Variants in MPHOSPH6 observed in about 807,000 individuals in gnomAD.
MPHOSPH6 encodes the protein M-phase phosphoprotein 6.
Under a neutral mutation model 21.8 loss-of-function variants are expected in MPHOSPH6, and 25 were observed. The ratio of observed to expected loss-of-function variants is 1.15; its 90% CI spans 0.83 to 1.60. MPHOSPH6 has a LOEUF of 1.60. Among genes scored for constraint, MPHOSPH6 ranks in the 40% most tolerant of loss-of-function variants. The pLI, the probability that MPHOSPH6 is intolerant of heterozygous loss-of-function variation, is 0.00. For synonymous variants in MPHOSPH6, 84 were observed against 56.5 expected, an observed-to-expected ratio of 1.49 and a Z score of -2.18; for missense variants, 269 against 181.8, an observed-to-expected ratio of 1.48 and a Z score of -2.76.
In MPHOSPH6 at chr16:82,148,819, T is replaced by C. The variant is rs539248477; in HGVS notation, c.395A>G (p.Lys132Arg). 5.0e-6 allele frequency: 8 copies of C among 1,614,186 alleles called. No homozygotes were observed. In the African/African-American group the frequency reaches 5.3e-5, roughly 11 times the overall value. Reference sequence around the variant, plus strand: ...TTCTTCATAATTGGCATGGTCTCTCTTTCTGGCAAACTTTTTCCCAATTGT... The same window carrying C: ...TTCTTCATAATTGGCATGGTCTCTCCTTCTGGCAAACTTTTTCCCAATTGT... ...VGTIGKKFAR[K>R]RDHANYEEDE... The change falls in exon 5 of 5, where the codon AAG becomes AGG. Residue 132 changes from lysine (K) to arginine (R), a missense_variant. By Grantham distance (26) the Lys-to-Arg change is conservative. Coordinates refer to ENST00000258169, the MANE Select transcript of MPHOSPH6 (RefSeq NM_005792.2).
At chr16:82,162,052 A>G (rs766373628) in intron 2 of MPHOSPH6, among the ~76,000 whole-genome samples, 1 of 152,256 alleles carries the variant, frequency 6.6e-6, no homozygotes, top group Non-Finnish European at 1.5e-5. Flanking sequence ...ATATTCAGAT[A>G]TAAGGAAATA....
intron 1 of MPHOSPH6, among the ~76,000 whole-genome samples, chr16:82,165,766 G>C (rs1001508474): frequency 1.3e-5 from 2 of 152,216 alleles, no homozygotes; most frequent in Admixed American, 6.5e-5. Context: ...TAGCCTAAGT[G>C]TGTGGTAGGC....
chr16:82,152,185 T>G (rs1169762767), intron 2 of MPHOSPH6, among the ~76,000 whole-genome samples: 2 of 152,240 alleles, frequency 1.3e-5, no homozygotes, highest in East Asian at 3.8e-4. Flanking sequence ...GTCTGAGCTG[T>G]GTGGTGCACT....
At chr16:82,165,126 T>A (rs1254032894) in intron 1 of MPHOSPH6, among the ~76,000 whole-genome samples, 3 of 97,548 alleles carry the variant, frequency 3.1e-5, no homozygotes, top group Admixed American at 1.0e-4. Flanking sequence ...TTTTTATTTT[T>A]TTTTTTATTT....
intron 4 of MPHOSPH6, among the ~76,000 whole-genome samples, chr16:82,149,077 G>C (rs927240575): frequency 6.6e-6 from 1 of 152,216 alleles, no homozygotes; most frequent in African/African-American, 2.4e-5. Flanking sequence ...AATAAATAGA[G>C]ATGTACATTT....
intron 3 of MPHOSPH6, 187 bp downstream of exon 3, chr16:82,151,237 C>T (rs748122703): frequency 5.6e-6 from 4 of 714,400 alleles, no homozygotes; most frequent in Non-Finnish European, 6.7e-6. Flanking sequence ...TATCTACTCA[C>T]CTCTACCATA....
intron 2 of MPHOSPH6, among the ~76,000 whole-genome samples, chr16:82,151,766 T>C (rs1490662291): frequency 6.6e-6 from 1 of 152,238 alleles, no homozygotes; most frequent in Non-Finnish European, 1.5e-5. Flanking sequence ...AATATCTACA[T>C]AATATAAAGA....
intron 2 of MPHOSPH6, among the ~76,000 whole-genome samples, chr16:82,152,597 G>C (rs1171524023): frequency 6.6e-6 from 1 of 152,108 alleles, no homozygotes; most frequent in Non-Finnish European, 1.5e-5. Context: ...CAGAAATAAC[G>C]GTCGCTAGGT....
chr16:82,163,587 G>A (rs1201040671), intron 2 of MPHOSPH6, among the ~76,000 whole-genome samples: 1 of 152,204 alleles, frequency 6.6e-6, no homozygotes, highest in Non-Finnish European at 1.5e-5. Flanking sequence ...GATGTAAAGT[G>A]TTTAGCCCAG....
At chr16:82,163,066 C>G (rs1017123581) in intron 2 of MPHOSPH6, among the ~76,000 whole-genome samples, 1 of 152,198 alleles carries the variant, frequency 6.6e-6, no homozygotes. Flanking sequence ...AAAAAAAGTA[C>G]CTTCTCCCGA....
intron 3 of MPHOSPH6, 117 bp downstream of exon 3, chr16:82,151,307 T>A (rs762127641): frequency 7.1e-7 from 1 of 1,409,576 alleles, no homozygotes; most frequent in Admixed American, 2.2e-5. Flanking sequence ...TCAAGACTTG[T>A]TATTTTCTAT....
At position 82,170,217 on chromosome 16, in the gene MPHOSPH6, C is replaced by G. The variant is rs938591820; in HGVS notation, c.-42G>C. 1.9e-6 allele frequency: 3 copies of G among 1,561,038 alleles called. No homozygotes were observed. Among genetic ancestry groups the G allele is most frequent in the African/African-American group, 1.4e-5 (1 of 71,760 alleles). Reference sequence around the variant, plus strand: ...CGCCGCACTCCGGCCGCGAGCCTCACCGCACATGCGCGGAGCCGCGTGCGC... The same window carrying G: ...CGCCGCACTCCGGCCGCGAGCCTCAGCGCACATGCGCGGAGCCGCGTGCGC... On this transcript the variant is annotated 5_prime_UTR_variant, in exon 1 of 5. Transcript: ENST00000258169.
chr16:82,148,647 C>A lies in MPHOSPH6; in HGVS notation c.*84G>T. On this transcript the variant is annotated 3_prime_UTR_variant, in exon 5 of 5. Transcript: ENST00000258169. ...CAAGTAAACGTTACAGTATTAATAA[C>A]TATAGAGACACCATTGGGATGAGCT... 6.7e-7 allele frequency: 1 copy of A among 1,497,296 alleles called. No individual in the cohort carries two copies. The highest frequency in any genetic ancestry group is 2.0e-5 in the Admixed American group (1 of 50,150). The allele number at this position is 1,497,296 out of a possible 1,614,324, so 92.8% of individuals were successfully genotyped here. A position where few individuals can be genotyped will look rare whatever the true frequency, so the allele number is the denominator to read the frequency against.
chr16:82,152,497 T>C (rs943302494), intron 2 of MPHOSPH6, among the ~76,000 whole-genome samples: 2 of 152,134 alleles, frequency 1.3e-5, no homozygotes, highest in African/African-American at 4.8e-5. Flanking sequence ...GGACCCCTTG[T>C]AGATATCAAA....
intron 2 of MPHOSPH6, among the ~76,000 whole-genome samples, chr16:82,156,095 G>A (rs79389155): frequency 0.12 from 17,889 of 152,050 alleles, 1,296 homozygotes; most frequent in East Asian, 0.29. Flanking sequence ...TTCATTAGAC[G>A]AGAGTCATAA....
In MPHOSPH6 at chr16:82,151,651, G is replaced by A. The variant is rs545176810; in HGVS notation, c.165-137C>T. The A allele has an allele frequency of 1.4e-4, 172 of 1,247,526 alleles. 1 individual carries two copies. The South Asian group carries it at 4.0e-3, about 29-fold the overall frequency. 77.3% of individuals were successfully genotyped at this position (1,247,526 alleles called of 1,614,324 possible). ...AAAATACAGTAAGATTTCTAACTTA[G>A]GGTTAAAAATAAAATCTGATTAATT... On this transcript the variant is annotated intron_variant, in intron 2 of 4. Coordinates refer to ENST00000258169, the MANE Select transcript of MPHOSPH6 (RefSeq NM_005792.2).
At chr16:82,160,472 C>T (rs1435106529) in intron 2 of MPHOSPH6, among the ~76,000 whole-genome samples, 1 of 152,210 alleles carries the variant, frequency 6.6e-6, no homozygotes, top group African/African-American at 2.4e-5. Context: ...TTGCTCTGGA[C>T]TATCTTTGCA....
intron 2 of MPHOSPH6, among the ~76,000 whole-genome samples, chr16:82,158,361 T>C (rs4888208): frequency 0.48 from 72,848 of 150,656 alleles, 20,839 homozygotes; most frequent in Non-Finnish European, 0.62. Context: ...TGGCTGGGCA[T>C]AGCGGCGGGT....
chr16:82,165,854 A>T (rs763041105), intron 1 of MPHOSPH6, among the ~76,000 whole-genome samples: 6 of 109,514 alleles, frequency 5.5e-5, no homozygotes, highest in Non-Finnish European at 1.1e-4. Flanking sequence ...CATGTTTCAG[A>T]ACGTATCCCT....
Sources: allele counts gnomAD v4.1 joint callset (sites outside exome capture counted in the v4.1 genomes callset), GRCh38; gene constraint gnomAD v4.1.1; transcripts MANE v1.5; gene names NCBI Gene and HGNC (gene_info 2026-07-23, HGNC 2026-07-21).